The following MAP3K5 variants were observed in gnomAD, a reference collection of about 807,000 sequenced individuals.
MAP3K5 encodes the protein ASK-1.
MAP3K5 carries 56 observed loss-of-function variants against 158.7 expected under a neutral mutation model. The ratio of observed to expected loss-of-function variants is 0.35; its 90% CI spans 0.28 to 0.44. The LOEUF (loss-of-function observed/expected upper bound fraction) is 0.44. Among genes scored for constraint, MAP3K5 ranks in the 20% least tolerant of loss-of-function variants. The pLI is 1.00. For missense variants in MAP3K5, 1,294 were observed against 1,674.8 expected (o/e 0.77, Z 3.97); for synonymous variants, 579 against 601.7 (o/e 0.96, Z 0.55).
At chr6:136,565,039 C>T (rs1287571098) in intron 26 of MAP3K5, among the ~76,000 whole-genome samples, 3 of 152,176 alleles carry the variant, frequency 2.0e-5, no homozygotes, top group Admixed American at 6.5e-5. Context: ...TAGAGGCCAC[C>T]TGATTCACAA....
chr6:136,773,079 A>G (rs546472933), intron 1 of MAP3K5, among the ~76,000 whole-genome samples: 2 of 152,320 alleles, frequency 1.3e-5, no homozygotes, highest in Admixed American at 6.5e-5. Context: ...TTAGCAAGAA[A>G]ACAAGTACAT....
At position 136,703,026 on chromosome 6, in the gene MAP3K5, C is replaced by CT. The variant is rs1422452127; in HGVS notation, c.612+2083dup. ...TAATTATTTTCACCGTTTTTTCTTT[C>CT]TTTTTTTTTAAAAAAACCTCCAATT... On this transcript the variant is annotated intron_variant, in intron 3 of 29. Coordinates refer to ENST00000359015, the MANE Select transcript of MAP3K5 (RefSeq NM_005923.4). Among the ~76,000 whole-genome samples, 655 of 151,936 alleles carry CT rather than the reference C, an allele frequency of 4.3e-3. 3 individuals carry two copies. The highest frequency in any genetic ancestry group is 0.013 in the African/African-American group (550 of 41,422).
intron 3 of MAP3K5, 36 bp downstream of exon 3, chr6:136,705,073 AT>A: frequency 9.7e-7 from 1 of 1,032,328 alleles, no homozygotes; most frequent in Admixed American, 2.7e-5. Flanking sequence ...AAAAGAAAAT[AT>A]TTTTAAAACT....
At chr6:136,560,456 G>A (rs1830456086) in intron 28 of MAP3K5, among the ~76,000 whole-genome samples, 1 of 152,250 alleles carries the variant, frequency 6.6e-6, no homozygotes, top group South Asian at 2.1e-4. Flanking sequence ...TGCAGCCTGG[G>A]CGACAGAGTG....
intron 25 of MAP3K5, among the ~76,000 whole-genome samples, chr6:136,577,976 A>T (rs1774693996): frequency 6.6e-6 from 1 of 152,130 alleles, no homozygotes; most frequent in African/African-American, 2.4e-5. Context: ...GATCATTTAT[A>T]TGCTATTTAA....
At chr6:136,754,861 C>T (rs1783402910) in intron 1 of MAP3K5, among the ~76,000 whole-genome samples, 1 of 152,208 alleles carries the variant, frequency 6.6e-6, no homozygotes, top group East Asian at 1.9e-4. Context: ...GAGGCACGTT[C>T]CTGGGGTCCA....
chr6:136,719,017 A>G (rs1781642888), intron 2 of MAP3K5, among the ~76,000 whole-genome samples: 1 of 152,084 alleles, frequency 6.6e-6, no homozygotes, highest in African/African-American at 2.4e-5. Flanking sequence ...CTCTACAAAA[A>G]AGAGAAAAAT....
intron 13 of MAP3K5, 80 bp downstream of exon 13, chr6:136,639,463 G>A: frequency 7.1e-6 from 5 of 700,938 alleles, no homozygotes; most frequent in Non-Finnish European, 1.2e-5. Context: ...ATTCTTCACA[G>A]GAGGTACATG....
At chr6:136,777,388 T>A (rs1784440155) in intron 1 of MAP3K5, among the ~76,000 whole-genome samples, 2 of 152,224 alleles carry the variant, frequency 1.3e-5, no homozygotes, top group African/African-American at 4.8e-5. Context: ...AGACAGGGTC[T>A]CCGTTTGCCC....
At chr6:136,674,663 A>T (rs1443255760) in intron 7 of MAP3K5, among the ~76,000 whole-genome samples, 31 of 152,146 alleles carry the variant, frequency 2.0e-4, no homozygotes, top group Middle Eastern at 3.4e-3. Context: ...GAGATTTTTC[A>T]AATTAGACTG....
At chr6:136,778,180 A>G (rs62422135) in intron 1 of MAP3K5, among the ~76,000 whole-genome samples, 1,576 of 152,304 alleles carry the variant, frequency 0.01, 13 homozygotes, top group Non-Finnish European at 0.015. Context: ...ACCTGTATTT[A>G]TAAGAGATCT....
intron 1 of MAP3K5, among the ~76,000 whole-genome samples, chr6:136,752,324 A>G (rs150613416): frequency 6.1e-4 from 91 of 150,202 alleles, no homozygotes; most frequent in African/African-American, 2.1e-3. Context: ...CGAGGAAACA[A>G]CACAGTCAGA....
chr6:136,558,768 T>C, intron 29 of MAP3K5, 32 bp downstream of exon 29: 7 of 1,383,414 alleles, frequency 5.1e-6, no homozygotes, highest in Non-Finnish European at 7.2e-6. Context: ...CTGGTGCTCT[T>C]TCCATAGTGA....
intron 7 of MAP3K5, among the ~76,000 whole-genome samples, chr6:136,691,309 A>C (rs1245507727): frequency 6.6e-6 from 1 of 152,098 alleles, no homozygotes; most frequent in Non-Finnish European, 1.5e-5. Flanking sequence ...ACTCTAATTA[A>C]AAGTATCTGG....
chr6:136,738,385 T>G (rs1228473258), intron 1 of MAP3K5, among the ~76,000 whole-genome samples: 1 of 152,120 alleles, frequency 6.6e-6, no homozygotes, highest in African/African-American at 2.4e-5. Flanking sequence ...GACCTGACTG[T>G]TTTAACAGAA....
At chr6:136,678,657 G>A (rs769922549) in intron 7 of MAP3K5, among the ~76,000 whole-genome samples, 44 of 151,972 alleles carry the variant, frequency 2.9e-4, no homozygotes, top group Non-Finnish European at 5.6e-4. Context: ...GTAACCATAC[G>A]AAGTTATTTC....
rs563067161 is a variant in MAP3K5, at chr6:136,685,160, A to C, written c.1253+8980T>G. Among the ~76,000 whole-genome samples the C allele has an allele frequency of 1.0e-3, 150 of 150,652 alleles. 1 individual carries two copies. Among genetic ancestry groups the C allele is most frequent in the Non-Finnish European group, 1.7e-3 (118 of 67,922 alleles). On this transcript the variant is annotated intron_variant, in intron 7 of 29. Transcript: ENST00000359015. ...AAACCTTGTCTCTGCAAAAAAAAAAATACAAAAAGTAGCTGGGCATGGTGG... is the reference window on the plus strand; with the variant it reads ...AAACCTTGTCTCTGCAAAAAAAAAACTACAAAAAGTAGCTGGGCATGGTGG...
At chr6:136,614,678 A>G (rs997323424) in intron 15 of MAP3K5, among the ~76,000 whole-genome samples, 13 of 152,222 alleles carry the variant, frequency 8.5e-5, no homozygotes, top group African/African-American at 2.2e-4. Flanking sequence ...ATATTAACAT[A>G]TTAACATGAC....
intron 23 of MAP3K5, among the ~76,000 whole-genome samples, chr6:136,588,135 G>T (rs1775218737): frequency 6.6e-6 from 1 of 152,304 alleles, no homozygotes; most frequent in South Asian, 2.1e-4. Flanking sequence ...CCTTCACTCT[G>T]CAGTGGCTAA....
Sources: allele counts gnomAD v4.1 joint callset (sites outside exome capture counted in the v4.1 genomes callset), GRCh38; gene constraint gnomAD v4.1.1; transcripts MANE v1.5; gene names NCBI Gene and HGNC (gene_info 2026-07-23, HGNC 2026-07-21).